The following GAS2L1 variants were observed in gnomAD, a reference collection of about 807,000 sequenced individuals.
GAS2L1 encodes growth arrest specific 2 like 1.
GAS2L1 carries 26 observed loss-of-function variants against 44.0 expected under a neutral mutation model. The ratio of observed to expected loss-of-function variants is 0.59; its 90% CI spans 0.43 to 0.82. The LOEUF (loss-of-function observed/expected upper bound fraction) is 0.82, where lower values mean the gene tolerates loss of function less well. Among genes scored for constraint, GAS2L1 ranks in the 40% least tolerant of loss-of-function variants. GAS2L1 has a pLI of 0.00. For synonymous variants in GAS2L1, 426 were observed against 415.9 expected (o/e 1.02, Z -0.30); for missense variants, 1,006 against 983.0 (o/e 1.02, Z -0.31).
At chr22:29,308,632 A>C (rs1429674267) in exon 1 of GAS2L1, 10 of 1,581,852 alleles carry the variant, frequency 6.3e-6, no homozygotes, top group African/African-American at 1.3e-5. Context: ...CCAGCCCCCA[A>C]CGCCCCTGCC....
chr22:29,311,939 C>A (rs367872420), exon 5 of GAS2L1: 1 of 1,605,614 alleles, frequency 6.2e-7, no homozygotes, highest in South Asian at 1.1e-5. Context: ...CAGAGTTGGG[C>A]ACCACACCGG....
At chr22:29,310,917 G>T (rs139027113) in exon 4 of GAS2L1, 2 of 1,613,732 alleles carry the variant, frequency 1.2e-6, no homozygotes, top group African/African-American at 2.7e-5. Context: ...CCAGTCCCTG[G>T]GAGTGAGCGC....
Position 29,308,233 on chromosome 22 carries a change from TG to T in GAS2L1, c.131del (p.Gly44ValfsTer10). 6.2e-7 allele frequency: 1 copy of T among 1,609,360 alleles called. No homozygotes were observed. The highest frequency in any genetic ancestry group is 1.1e-5 in the South Asian group (1 of 90,316). ...GAGTGGCTCAATGCCTTGTACGGCC[TG>T]GGTCTCCCGGGTGGTGGCGATGGCT... On this transcript the variant is annotated frameshift_variant, in exon 1 of 5. Coordinates refer to ENST00000618518, the Ensembl canonical transcript of GAS2L1. LOFTEE classifies it high-confidence loss of function.
chr22:29,311,203 G>A (rs1167601303), intron 4 of GAS2L1: 24 of 602,370 alleles, frequency 4.0e-5, no homozygotes, highest in Non-Finnish European at 6.4e-5. Context: ...CTGGGCGGCA[G>A]CCAGTCCAGC....
Position 29,310,812 on chromosome 22 carries a change from C to T in GAS2L1, c.839-15C>T, listed in dbSNP as rs926372639. The stretch of plus-strand genomic sequence containing the variant: ...GCTCTGTCCCTCACATGCTGCCTGT[C>T]CTCTCTCCCCGCAGCTCATCGCCCA... On this transcript the variant is annotated splice_polypyrimidine_tract_variant and intron_variant, in intron 3 of 4. Transcript: ENST00000618518. 1.2e-6 allele frequency: 2 copies of T among 1,607,342 alleles called. No homozygotes were observed. The highest frequency in any genetic ancestry group is 1.1e-5 in the South Asian group (1 of 90,854).
exon 2 of GAS2L1, chr22:29,310,500 A>G (rs772713586): frequency 3.1e-6 from 5 of 1,612,438 alleles, no homozygotes; most frequent in Non-Finnish European, 3.4e-6. Context: ...AAGGTCTCAG[A>G]GGGGAAGTAC....
In GAS2L1 at chr22:29,311,913, G is replaced by A. The variant is rs756230196; in HGVS notation, c.1462G>A (p.Val488Ile). The change falls in exon 5 of 5, where the codon GTC (valine) becomes ATC (isoleucine). Residue 488 changes from valine to isoleucine, a missense_variant. Val to Ile is a conservative substitution (Grantham distance 29). Coordinates refer to ENST00000618518, the Ensembl canonical transcript of GAS2L1. ...CCCTGCAGCACCCCGGCTTTCCCGGGTCTCCAGCCCCAGTCCAGAGTTGGG... is the reference window on the plus strand; with the variant it reads ...CCCTGCAGCACCCCGGCTTTCCCGGATCTCCAGCCCCAGTCCAGAGTTGGG... 16 of 1,602,674 alleles carry A rather than the reference G, an allele frequency of 1.0e-5. No individual in the cohort carries two copies. In the South Asian group the frequency reaches 1.5e-4, roughly 15 times the overall value.
At chr22:29,309,487 G>A (rs1708037848) in intron 1 of GAS2L1, among the ~76,000 whole-genome samples, 1 of 152,226 alleles carries the variant, frequency 6.6e-6, no homozygotes, top group Non-Finnish European at 1.5e-5. Context: ...ATGGCAGTGG[G>A]CAGAGCCTGG....
chr22:29,309,619 GCGCTCTGGCT>G (rs1289475972), intron 1 of GAS2L1, among the ~76,000 whole-genome samples: 1 of 152,246 alleles, frequency 6.6e-6, no homozygotes, highest in Non-Finnish European at 1.5e-5. Flanking sequence ...CAGCTTGGCA[GCGCTCTGGCT>G]CTGGTGGGGG....
At chr22:29,308,700 C>A in exon 1 of GAS2L1, 1 of 1,501,690 alleles carries the variant, frequency 6.7e-7, no homozygotes, top group East Asian at 2.3e-5. Context: ...CCGCGGCCCC[C>A]GCATGACACC....
chr22:29,312,643 C>T (rs1388767043), exon 5 of GAS2L1: 2 of 492,422 alleles, frequency 4.1e-6, no homozygotes, highest in Non-Finnish European at 7.0e-6. Context: ...ACAATGGGAC[C>T]TCTGTTGTAC....
At chr22:29,311,401 C>G in intron 4 of GAS2L1, 61 bp from the exon 6 acceptor site, 1 of 681,972 alleles carries the variant, frequency 1.5e-6, no homozygotes, top group Non-Finnish European at 2.5e-6. Context: ...CTCTCCCTGC[C>G]TGTTCTGCAT....
exon 5 of GAS2L1, chr22:29,311,497 G>A (rs933384455): frequency 3.3e-6 from 5 of 1,502,380 alleles, no homozygotes; most frequent in African/African-American, 2.8e-5. Flanking sequence ...CCCCGCTCCC[G>A]CCGCTACTCC....
exon 1 of GAS2L1, chr22:29,308,571 C>T (rs1254321895): frequency 6.3e-7 from 1 of 1,598,368 alleles, no homozygotes. Flanking sequence ...GCTGGCCCCA[C>T]GCCTCGTGCA....
rs545182154 is a variant in GAS2L1, at chr22:29,307,897, A to G, written c.-209A>G. ...TATAAAAATTATCCCATAGAGTCCT[A>G]TGAGGCAGGGAATGTTACTGTACCC... is the stretch of plus-strand genomic sequence containing the variant. On this transcript the variant is annotated 5_prime_UTR_variant, in exon 1 of 5. Coordinates refer to ENST00000618518, the Ensembl canonical transcript of GAS2L1. The G allele has an allele frequency of 9.3e-4, 390 of 418,064 alleles. 3 individuals are homozygous for G. The highest frequency in any genetic ancestry group is 1.2e-4 in the Non-Finnish European group (28 of 238,190). The allele number at this position is 418,064 out of a possible 1,614,324, so 25.9% of individuals were successfully genotyped here.
At chr22:29,311,699 G>A (rs1322634687) in exon 5 of GAS2L1, 2 of 1,525,786 alleles carry the variant, frequency 1.3e-6, no homozygotes, top group Admixed American at 2.0e-5. Context: ...GGCCCCGGGG[G>A]GCCCCAGGAG....
Position 29,312,330 on chromosome 22 carries a change from C to T in GAS2L1, c.1879C>T (p.Pro627Ser), listed in dbSNP as rs765327110. 7 of 1,604,730 alleles carry T rather than the reference C, an allele frequency of 4.4e-6. No individual in the cohort carries two copies. In the East Asian group the frequency reaches 1.6e-4, roughly 36 times the overall value. ...TGGGAGCCCCCTGGCTTGCACTGAA[C>T]CCTCGAGGACCTGGGCACGGGGTCG... is the stretch of plus-strand genomic sequence containing the variant. Residue 627 changes from proline (P) to serine (S), a missense_variant, in exon 5 of 5, where the codon CCC (proline) becomes TCC (serine). Physicochemically the swap from Pro to Ser is moderately conservative, Grantham distance 74. Coordinates refer to ENST00000618518, the Ensembl canonical transcript of GAS2L1.
exon 5 of GAS2L1, chr22:29,312,740 G>T (rs1281220416): frequency 5.1e-6 from 2 of 388,504 alleles, no homozygotes; most frequent in Non-Finnish European, 9.1e-6. Flanking sequence ...GTGTTCTGAA[G>T]ACCTGTGGCC....
Position 29,311,468 on chromosome 22 carries a change from G to A in GAS2L1, c.1017G>A (p.Arg339=), listed in dbSNP as rs368547676. ...TATTGTCCCCCTGCCCCAGGCCCCG[G>A]GATCAGCTGCCCCCCCATCCCCGCT... Residue 339 remains arginine, a synonymous_variant, in exon 5 of 5, where the codon CGG becomes CGA. Coordinates refer to ENST00000618518, the Ensembl canonical transcript of GAS2L1. 5.9e-6 allele frequency: 8 copies of A among 1,357,892 alleles called. No homozygotes were observed. The African/African-American group carries it at 1.0e-4, about 17-fold the overall frequency. The allele number at this position is 1,357,892 out of a possible 1,614,324, so 84.1% of individuals were successfully genotyped here.
Sources: gnomAD v4.1 joint callset for allele counts (sites outside exome capture counted in the v4.1 genomes callset) on GRCh38, gnomAD v4.1.1 for gene constraint, MANE v1.5 for transcripts, NCBI Gene and HGNC (gene_info 2026-07-23, HGNC 2026-07-21) for gene names.